Variants in ANKRD36C observed in about 807,000 individuals in gnomAD.
ANKRD36C encodes the protein ankyrin repeat domain-containing protein 36C.
A neutral mutation model predicts 276.4 loss-of-function variants in ANKRD36C; 61 were observed. That is an observed-to-expected ratio of 0.22 (90% CI 0.18 to 0.27). The LOEUF is 0.27. ANKRD36C is among the 10% of genes least tolerant of loss of function. The pLI is 1.00. For synonymous variants in ANKRD36C, 483 were observed against 680.1 expected (o/e 0.71, Z 4.51); for missense variants, 1,447 against 2,032.3 (o/e 0.71, Z 5.54).
intron 58 of ANKRD36C, among the ~76,000 whole-genome samples, chr2:95,878,239 A>G (rs1356287588): frequency 6.6e-6 from 1 of 151,924 alleles, no homozygotes; most frequent in Non-Finnish European, 1.5e-5. Flanking sequence ...ATTGTCAAAA[A>G]TGAAAAAATT....
chr2:95,944,682 C>G (rs776860974), exon 19 of ANKRD36C: 2 of 1,537,036 alleles, frequency 1.3e-6, no homozygotes, highest in African/African-American at 2.7e-5. Context: ...GTCAATGCCA[C>G]ATGCAGCATC....
chr2:95,908,157 G>C (rs1327756508), intron 42 of ANKRD36C, among the ~76,000 whole-genome samples: 2 of 149,746 alleles, frequency 1.3e-5, no homozygotes, highest in Non-Finnish European at 3.0e-5. Context: ...ACGATCTGAA[G>C]TGTGTAAATT....
At chr2:95,922,290 G>A (rs1333760426) in intron 32 of ANKRD36C, among the ~76,000 whole-genome samples, 1 of 151,612 alleles carries the variant, frequency 6.6e-6, no homozygotes, top group Non-Finnish European at 1.5e-5. Context: ...TCAGTTGAAT[G>A]TACACCTCAT....
chr2:95,916,239 A>G (rs764752720), intron 36 of ANKRD36C, 68 bp from the exon 39 acceptor site: 179 of 1,591,768 alleles, frequency 1.1e-4, no homozygotes, highest in Admixed American at 1.5e-4. Flanking sequence ...ACATTCACAC[A>G]GTGTTAGCAT....
intron 60 of ANKRD36C, among the ~76,000 whole-genome samples, chr2:95,867,006 G>T (rs1675695439): frequency 6.6e-6 from 1 of 152,162 alleles, no homozygotes; most frequent in Non-Finnish European, 1.5e-5. Flanking sequence ...GCAATAAATG[G>T]CAGCTGGGTT....
rs1573746233 is a variant in ANKRD36C, at chr2:95,893,450, G to A, written c.2756-1590C>T. On this transcript the variant is annotated intron_variant, in intron 44 of 66. Coordinates refer to ENST00000456556, the Ensembl canonical transcript of ANKRD36C. Reference sequence around the variant, plus strand: ...CTGAATCAGAAAGTGCAGCTTCGACGAGCCCCCCGCTGATTTATTTGGGGA... The same window carrying A: ...CTGAATCAGAAAGTGCAGCTTCGACAAGCCCCCCGCTGATTTATTTGGGGA... The A allele has an allele frequency of 1.9e-5, 29 of 1,511,350 alleles. No individual in the cohort carries two copies. In the East Asian group the frequency reaches 2.7e-4, roughly 14 times the overall value. 93.6% of individuals were successfully genotyped at this position (1,511,350 alleles called of 1,614,324 possible). A position where few individuals can be genotyped will look rare whatever the true frequency, so the allele number is the denominator to read the frequency against.
At chr2:95,908,670 T>G in intron 42 of ANKRD36C, 1 of 1,562,894 alleles carries the variant, frequency 6.4e-7, no homozygotes, top group Non-Finnish European at 8.7e-7. Context: ...TTTCATTACC[T>G]TCAAGCCTGG....
intron 61 of ANKRD36C, among the ~76,000 whole-genome samples, chr2:95,859,432 G>C (rs1675509496): frequency 6.6e-6 from 1 of 152,054 alleles, no homozygotes; most frequent in African/African-American, 2.4e-5. Flanking sequence ...GAACAATTTA[G>C]AAATATTGAT....
Position 95,902,007 on chromosome 2 carries a change from G to A in ANKRD36C, c.2654-2671C>T, listed in dbSNP as rs1676666294. 2.7e-5 allele frequency among the ~76,000 whole-genome samples: 4 copies of A among 146,174 alleles called. No homozygotes were observed. The South Asian group carries it at 8.6e-4, about 31-fold the overall frequency. ...AATCACTGCAATATTCATTGAAAATGACCATTTTAGGAGTTAGTTAGAATT... is the reference window on the plus strand; with the variant it reads ...AATCACTGCAATATTCATTGAAAATAACCATTTTAGGAGTTAGTTAGAATT... On this transcript the variant is annotated intron_variant, in intron 42 of 66. Coordinates refer to ENST00000456556, the Ensembl canonical transcript of ANKRD36C.
chr2:95,856,781 G>A (rs1163221864), intron 62 of ANKRD36C, among the ~76,000 whole-genome samples: 1 of 152,106 alleles, frequency 6.6e-6, no homozygotes, highest in African/African-American at 2.4e-5. Context: ...ATAGCAAAAG[G>A]TTAAAAATAT....
At chr2:95,884,441 T>G (rs1022598761) in intron 52 of ANKRD36C, 73 bp from the exon 73 acceptor site, 4 of 1,603,100 alleles carry the variant, frequency 2.5e-6, no homozygotes, top group Non-Finnish European at 2.6e-6. Context: ...CATGCAGTGT[T>G]AGCATCAAGC....
At chr2:95,916,924 T>C (rs1427375121) in intron 36 of ANKRD36C, among the ~76,000 whole-genome samples, 3 of 151,660 alleles carry the variant, frequency 2.0e-5, no homozygotes, top group Non-Finnish European at 4.4e-5. Context: ...GCGTTAGATA[T>C]TGAGCAGTTT....
chr2:95,922,344 A>G (rs1240391966), intron 32 of ANKRD36C, among the ~76,000 whole-genome samples: 1 of 151,566 alleles, frequency 6.6e-6, no homozygotes, highest in East Asian at 2.0e-4. Context: ...CTCAGCTTGG[A>G]TATATGTTTC....
At chr2:95,954,084 A>AC in intron 13 of ANKRD36C, 79 bp from the exon 14 acceptor site, 1 of 1,477,218 alleles carries the variant, frequency 6.8e-7, no homozygotes, top group Non-Finnish European at 9.0e-7. Context: ...CTATACATGT[A>AC]TGTCCACTCC....
intron 59 of ANKRD36C, among the ~76,000 whole-genome samples, chr2:95,871,813 T>C (rs1675819861): frequency 6.6e-6 from 1 of 150,994 alleles, no homozygotes; most frequent in Non-Finnish European, 1.5e-5. Flanking sequence ...AATAAAAGGA[T>C]GGAGGAAGAT....
intron 6 of ANKRD36C, among the ~76,000 whole-genome samples, chr2:95,967,372 G>C (rs537732674): frequency 2.0e-5 from 3 of 151,996 alleles, no homozygotes; most frequent in Non-Finnish European, 2.9e-5. Context: ...ATGCAGCCAA[G>C]AAACATCTGA....
chr2:95,858,587 A>G (rs936994698), intron 61 of ANKRD36C, among the ~76,000 whole-genome samples: 3 of 152,220 alleles, frequency 2.0e-5, no homozygotes, highest in African/African-American at 7.2e-5. Flanking sequence ...GTTAATTAAC[A>G]TAAAGTTACT....
At chr2:95,886,608 G>A (rs1028614072) in intron 50 of ANKRD36C, among the ~76,000 whole-genome samples, 2 of 151,624 alleles carry the variant, frequency 1.3e-5, no homozygotes, top group African/African-American at 2.4e-5. Flanking sequence ...ACATGCACCC[G>A]CATGACTTTC....
chr2:95,856,206 A>G (rs1466328185), intron 62 of ANKRD36C, 26 bp from the exon 83 acceptor site: 60 of 1,573,130 alleles, frequency 3.8e-5, no homozygotes, highest in Non-Finnish European at 5.0e-5. Context: ...CAAACTTGTA[A>G]CTAGTATCCA....
Sources: allele counts gnomAD v4.1 joint callset (sites outside exome capture counted in the v4.1 genomes callset), GRCh38; gene constraint gnomAD v4.1.1; transcripts MANE v1.5; gene names NCBI Gene and HGNC (gene_info 2026-07-23, HGNC 2026-07-21).